Variants in PLCB2 observed in about 807,000 individuals in gnomAD.
PLCB2 encodes the protein phospholipase C beta 2, also known as 1-phosphatidylinositol 4,5-bisphosphate phosphodiesterase beta-2.
A neutral mutation model predicts 141.7 loss-of-function variants in PLCB2; 115 were observed. That is an observed-to-expected ratio of 0.81 (90% CI 0.70 to 0.95). The LOEUF (loss-of-function observed/expected upper bound fraction) is 0.95, where lower values mean the gene tolerates loss of function less well. Ranked by LOEUF, PLCB2 falls within the 40% of genes least tolerant of loss-of-function variation. PLCB2 has a pLI of 0.00. For synonymous variants in PLCB2, 603 were observed against 595.6 expected, an observed-to-expected ratio of 1.01 and a Z score of -0.18; for missense variants, 1,403 against 1,541.1, an observed-to-expected ratio of 0.91 and a Z score of 1.50.
chr15:40,286,539 A>G (rs1288128116), downstream of PLCB2, among the ~76,000 whole-genome samples: 1 of 152,126 alleles, frequency 6.6e-6, no homozygotes, highest in African/African-American at 2.4e-5. Context: ...TGGAATTGGG[A>G]AAGGGGTAGG....
chr15:40,297,766 G>T lies in PLCB2; in HGVS notation c.1238+111C>A. 1 of 978,836 alleles carries T rather than the reference G, an allele frequency of 1.0e-6. No homozygotes were observed. Among genetic ancestry groups the T allele is most frequent in the Non-Finnish European group, 1.6e-6 (1 of 621,330 alleles). 60.6% of individuals were successfully genotyped at this position (978,836 alleles called of 1,614,324 possible). On this transcript the variant is annotated intron_variant, in intron 12 of 31. Transcript: ENST00000260402. This position sits in a 1 kb window ranked among gnomAD's most constrained non-coding sequence, Gnocchi z 4.2. ...CCTTAGGGTGATTATACTGAGACGT[G>T]GGAGAAGCTGTAGGCAATGGTTAGA...
At position 40,295,220 on chromosome 15, in the gene PLCB2, C is replaced by T; in HGVS notation, c.1762G>A (p.Ala588Thr). ...GGATACTCCACAAACTGCACCGAGG[C>T]CTTGGAGAGCAGGTCATATGCCTTG... The part of the protein sequence containing the change: ...ELKAYDLLSK[A>T]SVQFVDYNKR... The change falls in exon 17 of 32, where the codon GCC becomes ACC. Residue 588 changes from alanine (A) to threonine (T), a missense_variant. Transcript: ENST00000260402. 1 of 1,613,902 alleles carries T rather than the reference C, an allele frequency of 6.2e-7. No individual in the cohort carries two copies.
chr15:40,307,917 G>T lies in PLCB2; in HGVS notation c.-245C>A, dbSNP rs1041863750. The T allele has an allele frequency of 8.2e-6, 3 of 363,836 alleles. No homozygotes were observed. The highest frequency in any genetic ancestry group is 4.7e-5 in the Admixed American group (1 of 21,422). The allele number at this position is 363,836 out of a possible 1,614,324, so 22.5% of individuals were successfully genotyped here. A position where few individuals can be genotyped will look rare whatever the true frequency, so the allele number is the denominator to read the frequency against. ...CCCACCCGCCCTGCCTGCCATGGGG[G>T]CCTGTGGTCACTGCTTCTGCCCAAG... On this transcript the variant is annotated 5_prime_UTR_variant, in exon 1 of 32. Coordinates refer to ENST00000260402, the MANE Select transcript of PLCB2 (RefSeq NM_004573.3).
rs2039899161 is a variant in PLCB2 at position 40,291,263 on chromosome 15, A to G, written c.2870+2T>C. On this transcript the variant is annotated splice_donor_variant, in intron 26 of 31. Coordinates refer to ENST00000260402, the MANE Select transcript of PLCB2 (RefSeq NM_004573.3). LOFTEE classifies it high-confidence loss of function. ...AGGGCAGGGCACCGCCACGAGCCTT[A>G]CCTCTTCTTGCGAGAGCCCTTGCCG... 3 of 1,570,316 alleles carry G rather than the reference A, an allele frequency of 1.9e-6. No homozygotes were observed. Among genetic ancestry groups the G allele is most frequent in the East Asian group, 2.3e-5 (1 of 43,360 alleles).
At chr15:40,285,056 T>C (rs926136035), downstream of PLCB2, among the ~76,000 whole-genome samples, 2 of 152,122 alleles carry the variant, frequency 1.3e-5, no homozygotes, top group African/African-American at 2.4e-5. Context: ...TGGGCATAGA[T>C]AGGCGTGGCA....
chr15:40,297,453 C>A lies in PLCB2; in HGVS notation c.1323+68G>T, dbSNP rs1209103001. On this transcript the variant is annotated intron_variant, in intron 13 of 31. Coordinates refer to ENST00000260402, the MANE Select transcript of PLCB2 (RefSeq NM_004573.3). This position sits in a 1 kb window ranked among gnomAD's most constrained non-coding sequence, Gnocchi z 4.2. ...CCTCTGGGAGTGTCTCCCTCCCTAA[C>A]CTGGTTCTCACCCTGCCCCAGGTTC... 8.2e-7 allele frequency: 1 copy of A among 1,213,574 alleles called. No homozygotes were observed. Among genetic ancestry groups the A allele is most frequent in the Admixed American group, 1.7e-5 (1 of 59,248 alleles). The allele number at this position is 1,213,574 out of a possible 1,614,324, so 75.2% of individuals were successfully genotyped here.
chr15:40,304,534 T>G (rs2040698127), intron 1 of PLCB2, among the ~76,000 whole-genome samples: 1 of 152,096 alleles, frequency 6.6e-6, no homozygotes, highest in Non-Finnish European at 1.5e-5. Context: ...ATACCAAGCC[T>G]TCCCACCTCC....
chr15:40,299,377 T>C (rs1014684550), intron 7 of PLCB2, 149 bp from the exon 8 acceptor site: 19 of 600,448 alleles, frequency 3.2e-5, no homozygotes, highest in Non-Finnish European at 5.4e-5. Flanking sequence ...CATCCACTTC[T>C]CAAGGCCCTG....
In PLCB2 at chr15:40,288,516, A is replaced by C; in HGVS notation, c.*199T>G. The C allele has an allele frequency of 1.5e-6, 2 of 1,311,192 alleles. No homozygotes were observed. The highest frequency in any genetic ancestry group is 1.9e-6 in the Non-Finnish European group (2 of 1,030,032). The allele number at this position is 1,311,192 out of a possible 1,614,324, so 81.2% of individuals were successfully genotyped here. ...CAGCTTGAGAAGACTTCTAGGCCCC[A>C]GAGAGGCCCTGCCGTGAGGGTGCCT... On this transcript the variant is annotated 3_prime_UTR_variant, in exon 32 of 32. Coordinates refer to ENST00000260402, the MANE Select transcript of PLCB2 (RefSeq NM_004573.3).
Position 40,288,233 on chromosome 15 carries a change from G to T in PLCB2, c.*482C>A. On this transcript the variant is annotated 3_prime_UTR_variant, in exon 32 of 32. Coordinates refer to ENST00000260402, the MANE Select transcript of PLCB2 (RefSeq NM_004573.3). ...CCCAGGGAGCTGTGAGGTAGTGCCA[G>T]GATCTGCCTCAAGGAGTGGACAAGG... 3.0e-6 allele frequency: 3 copies of T among 986,418 alleles called. No individual in the cohort carries two copies. The highest frequency in any genetic ancestry group is 2.4e-6 in the Non-Finnish European group (2 of 830,610). The allele number at this position is 986,418 out of a possible 1,614,324, so 61.1% of individuals were successfully genotyped here.
At position 40,290,767 on chromosome 15, in the gene PLCB2, G is replaced by A; in HGVS notation, c.3107C>T (p.Ser1036Leu). 6.2e-7 allele frequency: 1 copy of A among 1,613,710 alleles called. No homozygotes were observed. The highest frequency in any genetic ancestry group is 8.5e-7 in the Non-Finnish European group (1 of 1,179,806). Reference protein sequence around the residue: ...AAELKALKETSENDTKEMKKK... With the variant: ...AAELKALKETLENDTKEMKKK... ...GGGAGGGAGGCAGTCGTACTTCTCCGACGTCTCCTTCAGGGCCTTCAGCTC... is the reference window on the plus strand; with the variant it reads ...GGGAGGGAGGCAGTCGTACTTCTCCAACGTCTCCTTCAGGGCCTTCAGCTC... The change falls in exon 28 of 32, where the codon TCG becomes TTG. Residue 1036 changes from serine to leucine, a missense_variant. Coordinates refer to ENST00000260402, the MANE Select transcript of PLCB2 (RefSeq NM_004573.3).
In PLCB2 at chr15:40,291,076, C is replaced by T. The variant is rs1337464039; in HGVS notation, c.2978G>A (p.Arg993Gln). The T allele has an allele frequency of 6.3e-7, 1 of 1,590,554 alleles. No individual in the cohort carries two copies. Residue 993 changes from arginine (R) to glutamine (Q), a missense_variant, in exon 27 of 32, where the codon CGG becomes CAG. Around this residue, in one of 4 missense-constraint regions of PLCB2, gnomAD observed 290 missense variants for 245.9 expected, o/e 1.18. Coordinates refer to ENST00000260402, the MANE Select transcript of PLCB2 (RefSeq NM_004573.3). The stretch of plus-strand genomic sequence containing the variant: ...GCACTCGTACTGCTCCTCGCCCTGC[C>T]GCAGCAGCTCCAGCTCCAGCCTGTC... ...LKDRLELELL[R>Q]QGEEQYECVL... is the part of the protein sequence containing the mutation.
At position 40,297,632 on chromosome 15, in the gene PLCB2, G is replaced by T; in HGVS notation, c.1239-27C>A. The T allele has an allele frequency of 6.3e-7, 1 of 1,580,756 alleles. No homozygotes were observed. Among genetic ancestry groups the T allele is most frequent in the Non-Finnish European group, 8.7e-7 (1 of 1,150,298 alleles). The stretch of plus-strand genomic sequence containing the variant: ...TGCGGGGAGCAAAAGCGGGGATGGG[G>T]TTCAGCCGCTCAGCACCAACCCTAT... On this transcript the variant is annotated intron_variant, in intron 12 of 31. Transcript: ENST00000260402. This position sits in a 1 kb window ranked among gnomAD's most constrained non-coding sequence, Gnocchi z 4.2.
downstream of PLCB2, chr15:40,285,458 G>C: frequency 1.2e-6 from 1 of 851,774 alleles, no homozygotes; most frequent in Non-Finnish European, 1.4e-6. Flanking sequence ...GTCAGGGAAA[G>C]AGCTGCATAG....
chr15:40,298,860 C>A lies in PLCB2; in HGVS notation c.788G>T (p.Arg263Leu), dbSNP rs1304486890. Residue 263 changes from arginine to leucine, a missense_variant, in exon 9 of 32, where the codon CGG becomes CTG. Arg to Leu is a moderately radical substitution (Grantham distance 102). This residue lies in a region of PLCB2 where 975 missense variants were observed against 1,141.1 expected (regional missense o/e 0.85). Coordinates refer to ENST00000260402, the MANE Select transcript of PLCB2 (RefSeq NM_004573.3). ...GATGAGGCCCTGCACCTGGTCAGGC[C>A]GTGCTGGCGGGAACAGCAGGGAGTT... is the stretch of plus-strand genomic sequence containing the variant. Reference protein sequence around the residue: ...RLNSLLFPPARPDQVQGLIDK... With the variant: ...RLNSLLFPPALPDQVQGLIDK... The A allele has an allele frequency of 6.2e-7, 1 of 1,613,400 alleles. No individual in the cohort carries two copies. Among genetic ancestry groups the A allele is most frequent in the African/African-American group, 1.3e-5 (1 of 74,932 alleles).
intron 23 of PLCB2, 44 bp downstream of exon 23, chr15:40,292,020 C>T (rs1322314187): frequency 1.9e-6 from 3 of 1,607,484 alleles, no homozygotes; most frequent in African/African-American, 1.3e-5. Context: ...ATAAATAGGG[C>T]TAATCTCTGG....
Position 40,291,117 on chromosome 15 carries a change from G to A in PLCB2, c.2937C>T (p.Arg979=). ...CCAGCCTGTCTTTCAGCTCCCGCAC[G>A]CGCCCGTCCACGCCCTCAGGGCCCT... ...PGEGPEGVDG[R]VRELKDRLEL... is the part of the protein sequence containing the mutation. Residue 979 remains arginine, a synonymous_variant, in exon 27 of 32, where the codon CGC becomes CGT. Transcript: ENST00000260402. 6.3e-7 allele frequency: 1 copy of A among 1,580,164 alleles called. No individual in the cohort carries two copies.
intron 7 of PLCB2, 65 bp downstream of exon 7, chr15:40,301,892 G>A (rs2040527069): frequency 6.9e-7 from 1 of 1,449,790 alleles, no homozygotes; most frequent in South Asian, 1.2e-5. Flanking sequence ...CACCATTCCT[G>A]GCCAAGTTGC....
rs754490555 is a variant in PLCB2, at chr15:40,302,510, T to A, written c.331A>T (p.Thr111Ser). 1.2e-5 allele frequency: 20 copies of A among 1,613,588 alleles called. No individual in the cohort carries two copies. The highest frequency in any genetic ancestry group is 1.6e-5 in the Non-Finnish European group (19 of 1,179,890). The part of the protein sequence containing the change: ...VVSGPDMVDL[T>S]FHNFVSYKEN... ...TTGTAGGAGACGAAGTTGTGGAAGGTGAGGTCCACCATGTCCGGGCCGGAC... is the reference window on the plus strand; with the variant it reads ...TTGTAGGAGACGAAGTTGTGGAAGGAGAGGTCCACCATGTCCGGGCCGGAC... The change falls in exon 4 of 32, where the codon ACC becomes TCC. Residue 111 changes from threonine to serine, a missense_variant. Around this residue, in one of 4 missense-constraint regions of PLCB2, gnomAD observed 975 missense variants for 1,141.1 expected, o/e 0.85. Coordinates refer to ENST00000260402, the MANE Select transcript of PLCB2 (RefSeq NM_004573.3).
Sources: gnomAD v4.1 joint callset for allele counts (sites outside exome capture counted in the v4.1 genomes callset) on GRCh38, gnomAD v4.1.1 for gene constraint, gnomAD v4.1.1 regional missense constraint, Gnocchi (gnomAD v3.1) non-coding constraint, MANE v1.5 for transcripts, NCBI Gene and HGNC (gene_info 2026-07-23, HGNC 2026-07-21) for gene names.